The following GCNT2 variants were observed in gnomAD, a reference collection of about 807,000 sequenced individuals.
GCNT2 encodes the protein glucosaminyl (N-acetyl) transferase 2 (I blood group), also known as N-acetyllactosaminide beta-1,6-N-acetylglucosaminyl-transferase.
GCNT2 carries 34 observed loss-of-function variants against 34.2 expected under a neutral mutation model. The observed-to-expected ratio is 1.00, with a 90% confidence interval of 0.76 to 1.32. GCNT2 has a LOEUF of 1.32. Ranked by LOEUF, GCNT2 falls within the 40% of genes most tolerant of loss-of-function variation. The pLI, the probability that GCNT2 is intolerant of heterozygous loss-of-function variation, is 0.00. For missense variants in GCNT2, 584 were observed against 489.4 expected (o/e 1.19, Z -1.82); for synonymous variants, 212 against 188.0 (o/e 1.13, Z -1.04).
intron 3 of GCNT2, chr6:10,586,031 C>A: frequency 6.2e-7 from 1 of 1,614,174 alleles, no homozygotes; most frequent in Non-Finnish European, 8.5e-7. Context: ...TCACTCTGCT[C>A]AGCGTGGTCA....
At chr6:10,575,222 C>A in intron 3 of GCNT2, 2 of 349,306 alleles carry the variant, frequency 5.7e-6, no homozygotes, top group East Asian at 6.5e-5. Context: ...CCTTTGTGTT[C>A]GTCATCTTGG....
At chr6:10,616,462 G>A (rs1765769550) in intron 3 of GCNT2, among the ~76,000 whole-genome samples, 1 of 152,166 alleles carries the variant, frequency 6.6e-6, no homozygotes, top group Non-Finnish European at 1.5e-5. Context: ...CTGCTGATTG[G>A]TCTGTTTTAC....
At chr6:10,626,312 G>C (rs2127447981) in intron 4 of GCNT2, 105 bp from the exon 5 acceptor site, 2 of 824,622 alleles carry the variant, frequency 2.4e-6, no homozygotes, top group Non-Finnish European at 4.2e-6. Flanking sequence ...CTGTACCATT[G>C]GCACAGTTGT....
chr6:10,539,737 C>T lies in GCNT2; in HGVS notation c.925+9901C>T, dbSNP rs568258243. Among the ~76,000 whole-genome samples the T allele has an allele frequency of 2.0e-5, 3 of 152,240 alleles. No homozygotes were observed. In the South Asian group the frequency reaches 6.2e-4, roughly 32 times the overall value. ...TTCTATGTGCAACTAAAACAAAAAACAAAACCTTCTAACATTTGGTTTTGA... is the reference window on the plus strand; with the variant it reads ...TTCTATGTGCAACTAAAACAAAAAATAAAACCTTCTAACATTTGGTTTTGA... On this transcript the variant is annotated intron_variant, in intron 3 of 4. Coordinates refer to ENST00000495262, the MANE Select transcript of GCNT2 (RefSeq NM_145649.5).
At chr6:10,526,619 G>T (rs1374707799) in intron 1 of GCNT2, among the ~76,000 whole-genome samples, 1 of 152,030 alleles carries the variant, frequency 6.6e-6, no homozygotes, top group African/African-American at 2.4e-5. Flanking sequence ...GCCTAGGCAG[G>T]TCTCAAACTC....
Position 10,524,053 on chromosome 6 carries a change from C to T in GCNT2, c.-469+2636C>T, listed in dbSNP as rs977222571. Among the ~76,000 whole-genome samples, 8 of 150,578 alleles carry T rather than the reference C, an allele frequency of 5.3e-5. No individual in the cohort carries two copies. The East Asian group carries it at 1.2e-3, about 22-fold the overall frequency. On this transcript the variant is annotated intron_variant, in intron 1 of 4. Coordinates refer to ENST00000495262, the MANE Select transcript of GCNT2 (RefSeq NM_145649.5). ...GGAAGCCACAGTTGGGAGTTGGAGGCTCTAAGTAACAGCAGAGCCCCTTAC... is the reference window on the plus strand; with the variant it reads ...GGAAGCCACAGTTGGGAGTTGGAGGTTCTAAGTAACAGCAGAGCCCCTTAC...
intron 3 of GCNT2, among the ~76,000 whole-genome samples, chr6:10,593,103 A>G (rs1406006759): frequency 6.6e-6 from 1 of 152,236 alleles, no homozygotes. Context: ...AAATTGGATT[A>G]AAGTATATAT....
intron 3 of GCNT2, among the ~76,000 whole-genome samples, chr6:10,532,174 C>T (rs1028614213): frequency 6.6e-6 from 1 of 151,990 alleles, no homozygotes; most frequent in Non-Finnish European, 1.5e-5. Flanking sequence ...CCTCCGAGTC[C>T]CTTCCCACTC....
At chr6:10,536,060 C>A (rs1291020804) in intron 3 of GCNT2, among the ~76,000 whole-genome samples, 1 of 151,548 alleles carries the variant, frequency 6.6e-6, no homozygotes, top group Non-Finnish European at 1.5e-5. Context: ...TGTAAAAATG[C>A]AATGCTGAGG....
chr6:10,578,487 C>T (rs1253376519), intron 3 of GCNT2, among the ~76,000 whole-genome samples: 4 of 137,736 alleles, frequency 2.9e-5, no homozygotes, highest in Non-Finnish European at 4.6e-5. Context: ...CTCGCTGTCG[C>T]CCAGGCTGGA....
chr6:10,527,178 C>G (rs1292627633), intron 1 of GCNT2, among the ~76,000 whole-genome samples: 4 of 152,154 alleles, frequency 2.6e-5, no homozygotes, highest in Admixed American at 2.0e-4. Flanking sequence ...AATCCCAGCA[C>G]TTTGGGAGGC....
chr6:10,605,873 C>T lies in GCNT2; in HGVS notation c.926-15478C>T, dbSNP rs188389592. On this transcript the variant is annotated intron_variant, in intron 3 of 4. Coordinates refer to ENST00000495262, the MANE Select transcript of GCNT2 (RefSeq NM_145649.5). ...ATTCTTTGAGTTCTTCTGATCAAGG[C>T]CAGCTCCACTAGGGCTAGATGGTCT... Among the ~76,000 whole-genome samples, 155 of 152,198 alleles carry T rather than the reference C, an allele frequency of 1.0e-3. 1 individual carries two copies. The highest frequency in any genetic ancestry group is 3.4e-3 in the Middle Eastern group (1 of 294).
At chr6:10,551,071 T>G (rs2113636082) in intron 3 of GCNT2, among the ~76,000 whole-genome samples, 1 of 152,356 alleles carries the variant, frequency 6.6e-6, no homozygotes, top group South Asian at 2.1e-4. Context: ...TCATTGGCCG[T>G]GACCTATTTT....
At chr6:10,561,298 G>C (rs979207200) in intron 3 of GCNT2, among the ~76,000 whole-genome samples, 1 of 152,150 alleles carries the variant, frequency 6.6e-6, no homozygotes, top group African/African-American at 2.4e-5. Context: ...AAGTAGCTGG[G>C]ATTACAGGCA....
At chr6:10,571,110 A>G (rs996999597) in intron 3 of GCNT2, among the ~76,000 whole-genome samples, 1 of 152,188 alleles carries the variant, frequency 6.6e-6, no homozygotes. Context: ...TGTGAGCCAG[A>G]GAGATCAAGT....
intron 3 of GCNT2, among the ~76,000 whole-genome samples, chr6:10,574,595 G>A (rs915998529): frequency 5.3e-5 from 8 of 152,146 alleles, no homozygotes; most frequent in Admixed American, 4.6e-4. Flanking sequence ...TTAGGATGGG[G>A]GGAGCATGAT....
intron 3 of GCNT2, among the ~76,000 whole-genome samples, chr6:10,573,920 C>T (rs772721090): frequency 1.1e-4 from 17 of 152,242 alleles, no homozygotes; most frequent in Non-Finnish European, 1.9e-4. Flanking sequence ...CCCCTGCACA[C>T]ACAGCCATGC....
At chr6:10,584,594 A>ACCCAGGCTTTCTTGGGCAGGGGTT (rs1344037346) in intron 3 of GCNT2, among the ~76,000 whole-genome samples, 2 of 152,050 alleles carry the variant, frequency 1.3e-5, no homozygotes, top group Non-Finnish European at 2.9e-5. Context: ...CCTGGACAAT[A>ACCCAGGCTTTCTTGGGCAGGGGTT]CCCAGGCTTT....
chr6:10,584,660 G>A (rs1186560576), intron 3 of GCNT2, among the ~76,000 whole-genome samples: 9 of 152,192 alleles, frequency 5.9e-5, no homozygotes, highest in Non-Finnish European at 1.2e-4. Context: ...AGTTAATAGA[G>A]AATGGAGAAT....
Sources: gnomAD v4.1 joint callset for allele counts (sites outside exome capture counted in the v4.1 genomes callset) on GRCh38, gnomAD v4.1.1 for gene constraint, MANE v1.5 for transcripts, NCBI Gene and HGNC (gene_info 2026-07-23, HGNC 2026-07-21) for gene names.